Variants in SUSD5 observed in about 807,000 individuals in gnomAD.
The protein encoded by SUSD5 is sushi domain-containing protein 5.
Under a neutral mutation model 29.5 loss-of-function variants are expected in SUSD5, and 33 were observed. That is an observed-to-expected ratio of 1.12 (90% CI 0.85 to 1.49). The LOEUF (loss-of-function observed/expected upper bound fraction) is 1.49, where lower values mean the gene tolerates loss of function less well. Ranked by LOEUF, SUSD5 falls within the 40% of genes most tolerant of loss-of-function variation. SUSD5 has a pLI of 0.00. For synonymous variants in SUSD5, 308 were observed against 325.3 expected (o/e 0.95, Z 0.57); for missense variants, 776 against 800.6 (o/e 0.97, Z 0.37).
Position 33,174,984 on chromosome 3 carries a change from C to T in SUSD5, c.500G>A (p.Cys167Tyr). 1 of 1,614,052 alleles carries T rather than the reference C, an allele frequency of 6.2e-7. No individual in the cohort carries two copies. The highest frequency in any genetic ancestry group is 8.5e-7 in the Non-Finnish European group (1 of 1,179,906). Reference sequence around the variant, plus strand: ...GTGGCCCATGATGTGGCCTGGGGCACACACGTACAGCAGTTCATCCCCCAT... The same window carrying T: ...GTGGCCCATGATGTGGCCTGGGGCATACACGTACAGCAGTTCATCCCCCAT... ...LEMGDELLYV[C>Y]APGHIMGHRE... is the part of the protein sequence containing the mutation. The change falls in exon 4 of 5, where the codon TGT (cysteine) becomes TAT (tyrosine). Residue 167 changes from cysteine (C) to tyrosine (Y), a missense_variant. By Grantham distance (194) the Cys-to-Tyr change is radical. Transcript: ENST00000309558.
chr3:33,208,025 T>C, intron 2 of SUSD5, 99 bp from the exon 3 acceptor site: 2 of 858,704 alleles, frequency 2.3e-6, no homozygotes, highest in Non-Finnish European at 3.7e-6. Context: ...AGCAGAGATT[T>C]TTCTGATTCA....
intron 4 of SUSD5, among the ~76,000 whole-genome samples, chr3:33,156,206 A>T (rs552199310): frequency 6.6e-6 from 1 of 152,080 alleles, no homozygotes; most frequent in South Asian, 2.1e-4. Flanking sequence ...ACACCCAGCT[A>T]ATTTTGGTAT....
At chr3:33,194,160 G>A (rs1359843484) in intron 3 of SUSD5, among the ~76,000 whole-genome samples, 1 of 152,194 alleles carries the variant, frequency 6.6e-6, no homozygotes, top group Non-Finnish European at 1.5e-5. Flanking sequence ...CAGAGCAAGA[G>A]GACAGCTTCA....
intron 4 of SUSD5, among the ~76,000 whole-genome samples, chr3:33,163,977 G>T (rs1393724416): frequency 6.6e-6 from 1 of 152,118 alleles, no homozygotes; most frequent in African/African-American, 2.4e-5. Context: ...TCCAGCATGG[G>T]TGACAGAGCA....
At chr3:33,194,222 T>C (rs1158445499) in intron 3 of SUSD5, among the ~76,000 whole-genome samples, 1 of 152,196 alleles carries the variant, frequency 6.6e-6, no homozygotes. Flanking sequence ...CTCATTCTCT[T>C]GCCCCCTACC....
At chr3:33,189,478 C>CAA (rs71630568) in intron 3 of SUSD5, among the ~76,000 whole-genome samples, 1,002 of 91,428 alleles carry the variant, frequency 0.011, 47 homozygotes, top group African/African-American at 0.041. Flanking sequence ...CTCTCCTTCT[C>CAA]AAAAAAAAAA....
chr3:33,171,303 T>C (rs1168305463), intron 4 of SUSD5, among the ~76,000 whole-genome samples: 2 of 151,750 alleles, frequency 1.3e-5, no homozygotes. Flanking sequence ...GCCGAGATCA[T>C]GCCACTGCAC....
At chr3:33,191,898 A>C (rs1444902174) in intron 3 of SUSD5, among the ~76,000 whole-genome samples, 1 of 152,186 alleles carries the variant, frequency 6.6e-6, no homozygotes, top group Non-Finnish European at 1.5e-5. Flanking sequence ...TGATCAAGCC[A>C]CTGTATTCTA....
intron 3 of SUSD5, among the ~76,000 whole-genome samples, chr3:33,199,911 T>C (rs1026556769): frequency 3.3e-5 from 5 of 152,288 alleles, no homozygotes; most frequent in African/African-American, 1.2e-4. Context: ...CTGGTACCAT[T>C]ATAAAAGGGT....
At chr3:33,216,573 C>T (rs989930223) in intron 1 of SUSD5, among the ~76,000 whole-genome samples, 2 of 152,162 alleles carry the variant, frequency 1.3e-5, no homozygotes, top group Non-Finnish European at 2.9e-5. Context: ...AACCAGCTTC[C>T]CTCACTCCAG....
At chr3:33,161,393 T>C (rs2125615471) in intron 4 of SUSD5, among the ~76,000 whole-genome samples, 1 of 152,162 alleles carries the variant, frequency 6.6e-6, no homozygotes. Context: ...TAGAAGGTAA[T>C]AGAAGGGGTA....
At chr3:33,191,799 G>C (rs1034203595) in intron 3 of SUSD5, among the ~76,000 whole-genome samples, 4 of 152,016 alleles carry the variant, frequency 2.6e-5, no homozygotes, top group African/African-American at 9.7e-5. Context: ...ATAAGAAATA[G>C]CCAGGCATGG....
At chr3:33,189,336 G>T (rs1191859351) in intron 3 of SUSD5, among the ~76,000 whole-genome samples, 2 of 152,048 alleles carry the variant, frequency 1.3e-5, no homozygotes, top group Admixed American at 1.3e-4. Flanking sequence ...AAATTACCTG[G>T]ATGTGGCGGC....
Position 33,209,620 on chromosome 3 carries a change from C to T in SUSD5, c.291-1694G>A, listed in dbSNP as rs531465521. Reference sequence around the variant, plus strand: ...TTCCTTCCTCTTTCTCTCTTCCTTCCTTCCTTTTCTTTTCTTTCTCTCTCT... The same window carrying T: ...TTCCTTCCTCTTTCTCTCTTCCTTCTTTCCTTTTCTTTTCTTTCTCTCTCT... On this transcript the variant is annotated intron_variant, in intron 2 of 4. Transcript: ENST00000309558. 5.5e-5 allele frequency among the ~76,000 whole-genome samples: 8 copies of T among 144,878 alleles called. No homozygotes were observed. In the East Asian group the frequency reaches 1.2e-3, roughly 22 times the overall value.
At chr3:33,208,553 T>C (rs2032266091) in intron 2 of SUSD5, among the ~76,000 whole-genome samples, 1 of 152,098 alleles carries the variant, frequency 6.6e-6, no homozygotes, top group Non-Finnish European at 1.5e-5. Context: ...ATCTGCTTTT[T>C]ATTAGTTCTG....
chr3:33,169,512 C>T lies in SUSD5; in HGVS notation c.598+5374G>A, dbSNP rs539339936. Reference sequence around the variant, plus strand: ...CTGGGATTACAGGCATGAGCCACCACGCCTGGCCGAATTTATACTTTAAAT... The same window carrying T: ...CTGGGATTACAGGCATGAGCCACCATGCCTGGCCGAATTTATACTTTAAAT... On this transcript the variant is annotated intron_variant, in intron 4 of 4. Transcript: ENST00000309558. Among the ~76,000 whole-genome samples, 306 of 152,314 alleles carry T rather than the reference C, an allele frequency of 2.0e-3. 1 individual carries two copies. The highest frequency in any genetic ancestry group is 3.6e-3 in the Non-Finnish European group (245 of 68,024).
At chr3:33,197,669 G>A (rs150608920) in intron 3 of SUSD5, among the ~76,000 whole-genome samples, 87 of 152,104 alleles carry the variant, frequency 5.7e-4, no homozygotes, top group African/African-American at 1.9e-3. Context: ...AGCTACTTTC[G>A]CTCACTGGTA....
intron 3 of SUSD5, among the ~76,000 whole-genome samples, chr3:33,199,408 G>A (rs981468180): frequency 1.3e-5 from 2 of 152,218 alleles, no homozygotes; most frequent in South Asian, 2.1e-4. Context: ...TGAGTAGCTG[G>A]GACTACAGGC....
At position 33,152,677 on chromosome 3, in the gene SUSD5, A is replaced by C; in HGVS notation, c.*65T>G. The stretch of plus-strand genomic sequence containing the variant: ...CACCTGCGTCATGCTCTAGTGAATT[A>C]TCGTGTGATGTGTCACAGTTATTTT... On this transcript the variant is annotated 3_prime_UTR_variant, in exon 5 of 5. Coordinates refer to ENST00000309558, the MANE Select transcript of SUSD5 (RefSeq NM_015551.2). 10 of 1,483,064 alleles carry C rather than the reference A, an allele frequency of 6.7e-6. No individual in the cohort carries two copies. The highest frequency in any genetic ancestry group is 9.1e-6 in the Non-Finnish European group (10 of 1,100,458). 91.9% of individuals were successfully genotyped at this position (1,483,064 alleles called of 1,614,324 possible).
Sources: allele counts gnomAD v4.1 joint callset (sites outside exome capture counted in the v4.1 genomes callset), GRCh38; gene constraint gnomAD v4.1.1; transcripts MANE v1.5; gene names NCBI Gene and HGNC (gene_info 2026-07-23, HGNC 2026-07-21).